Variants in GABRB1 observed in about 807,000 individuals in gnomAD.
GABRB1 encodes the protein gamma-aminobutyric acid type A receptor subunit beta1, also known as gamma-aminobutyric acid receptor subunit beta-1.
A neutral mutation model predicts 51.6 loss-of-function variants in GABRB1; 17 were observed. That is an observed-to-expected ratio of 0.33 (90% CI 0.23 to 0.49). The LOEUF is 0.49. Among genes scored for constraint, GABRB1 ranks in the 20% least tolerant of loss-of-function variants. GABRB1 has a pLI of 0.99. For missense variants in GABRB1, 410 were observed against 600.6 expected, an observed-to-expected ratio of 0.68 and a Z score of 3.32; for synonymous variants, 247 against 218.9, an observed-to-expected ratio of 1.13 and a Z score of -1.14.
chr4:47,297,600 A>G (rs975866651), intron 4 of GABRB1, among the ~76,000 whole-genome samples: 9 of 152,208 alleles, frequency 5.9e-5, no homozygotes, highest in African/African-American at 2.2e-4. Context: ...AGGCTCTGAA[A>G]TTGTGGTAAT....
At chr4:47,278,152 T>G (rs940753190) in intron 4 of GABRB1, among the ~76,000 whole-genome samples, 2 of 152,160 alleles carry the variant, frequency 1.3e-5, no homozygotes, top group African/African-American at 4.8e-5. Context: ...TCTTTGTCTA[T>G]AAAATGAGAA....
chr4:47,275,383 C>T (rs974310651), intron 4 of GABRB1, among the ~76,000 whole-genome samples: 26 of 152,076 alleles, frequency 1.7e-4, no homozygotes, highest in African/African-American at 5.8e-4. Flanking sequence ...AAATAAAAAG[C>T]CCTGCGTTCC....
intron 3 of GABRB1, among the ~76,000 whole-genome samples, chr4:47,124,960 T>A (rs1716049548): frequency 6.6e-6 from 1 of 151,958 alleles, no homozygotes; most frequent in Non-Finnish European, 1.5e-5. Context: ...ATGGGAGGGG[T>A]ATGGACATCT....
chr4:47,422,052 C>T (rs554947427), intron 8 of GABRB1, among the ~76,000 whole-genome samples: 1 of 152,178 alleles, frequency 6.6e-6, no homozygotes, highest in East Asian at 1.9e-4. Flanking sequence ...TATAGACATA[C>T]AGTAGAGGAC....
At chr4:47,359,330 A>C (rs1029018426) in intron 5 of GABRB1, among the ~76,000 whole-genome samples, 5 of 152,278 alleles carry the variant, frequency 3.3e-5, no homozygotes, top group African/African-American at 1.2e-4. Context: ...TTCAGTGTTT[A>C]GAAAAGCTGC....
At chr4:47,049,914 C>A (rs992092171) in intron 3 of GABRB1, among the ~76,000 whole-genome samples, 1 of 152,190 alleles carries the variant, frequency 6.6e-6, no homozygotes, top group Admixed American at 6.5e-5. Flanking sequence ...GCTGCCATTA[C>A]AGACTTTCAC....
At chr4:47,014,036 C>T (rs1223077445) in intron 1 of GABRB1, among the ~76,000 whole-genome samples, 1 of 152,030 alleles carries the variant, frequency 6.6e-6, no homozygotes, top group African/African-American at 2.4e-5. Context: ...ATAGGATTTT[C>T]ATTTATCTCA....
At chr4:47,214,296 T>C (rs1168677415) in intron 4 of GABRB1, among the ~76,000 whole-genome samples, 2 of 152,176 alleles carry the variant, frequency 1.3e-5, no homozygotes, top group African/African-American at 4.8e-5. Flanking sequence ...ACATGATTTG[T>C]GCTCAATCAT....
chr4:47,318,998 C>T (rs1724978063), intron 4 of GABRB1, among the ~76,000 whole-genome samples: 1 of 152,038 alleles, frequency 6.6e-6, no homozygotes, highest in Non-Finnish European at 1.5e-5. Flanking sequence ...AGATAGTAGC[C>T]TACCACACAC....
At chr4:47,142,751 G>A (rs191898068) in intron 3 of GABRB1, among the ~76,000 whole-genome samples, 2 of 151,950 alleles carry the variant, frequency 1.3e-5, no homozygotes, top group African/African-American at 4.8e-5. Flanking sequence ...TTGATAGGAT[G>A]TGGGAAGCAT....
At chr4:47,182,781 G>A (rs1253112156) in intron 4 of GABRB1, among the ~76,000 whole-genome samples, 1 of 151,926 alleles carries the variant, frequency 6.6e-6, no homozygotes, top group Non-Finnish European at 1.5e-5. Flanking sequence ...ACATACCTAA[G>A]AATGAGCCTT....
At chr4:47,180,347 G>C (rs1192097641) in intron 4 of GABRB1, among the ~76,000 whole-genome samples, 2 of 151,712 alleles carry the variant, frequency 1.3e-5, no homozygotes, top group Non-Finnish European at 2.9e-5. Context: ...TTAAGACAGA[G>C]GCAACACATT....
At chr4:47,181,845 G>C (rs949686283) in intron 4 of GABRB1, among the ~76,000 whole-genome samples, 4 of 151,986 alleles carry the variant, frequency 2.6e-5, no homozygotes, top group Non-Finnish European at 2.9e-5. Context: ...CAAGCATCAT[G>C]GGTTGTAATC....
intron 3 of GABRB1, among the ~76,000 whole-genome samples, chr4:47,108,037 C>A (rs531564020): frequency 6.6e-6 from 1 of 152,162 alleles, no homozygotes; most frequent in South Asian, 2.1e-4. Flanking sequence ...ACCATATCTC[C>A]TCTCATTTCC....
At chr4:47,048,865 TG>T (rs1560510924) in intron 3 of GABRB1, among the ~76,000 whole-genome samples, 1 of 152,096 alleles carries the variant, frequency 6.6e-6, no homozygotes, top group Non-Finnish European at 1.5e-5. Context: ...GTCTGAATTC[TG>T]CCATTAAAAA....
intron 5 of GABRB1, among the ~76,000 whole-genome samples, chr4:47,331,903 T>C (rs1165787988): frequency 6.6e-6 from 1 of 152,224 alleles, no homozygotes; most frequent in Non-Finnish European, 1.5e-5. Context: ...TCAATCTGAC[T>C]GGCAAGTCTA....
chr4:47,073,450 T>C (rs1340816586), intron 3 of GABRB1, among the ~76,000 whole-genome samples: 3 of 152,264 alleles, frequency 2.0e-5, no homozygotes, highest in Non-Finnish European at 4.4e-5. Context: ...TTCAAACATA[T>C]AGATTGTCCA....
chr4:47,310,286 C>G (rs980390367), intron 4 of GABRB1, among the ~76,000 whole-genome samples: 3 of 152,176 alleles, frequency 2.0e-5, no homozygotes, highest in Non-Finnish European at 4.4e-5. Flanking sequence ...CATCTTCTCT[C>G]TTGAGACCTT....
At chr4:47,396,084 C>T (rs192589384) in intron 5 of GABRB1, among the ~76,000 whole-genome samples, 5 of 152,202 alleles carry the variant, frequency 3.3e-5, no homozygotes, top group South Asian at 2.1e-4. Context: ...GATACACACC[C>T]GAGACTGGGC....
Sources: allele counts gnomAD v4.1 joint callset (sites outside exome capture counted in the v4.1 genomes callset), GRCh38; gene constraint gnomAD v4.1.1; transcripts MANE v1.5; gene names NCBI Gene and HGNC (gene_info 2026-07-23, HGNC 2026-07-21).